The following SOX5 variants were observed in gnomAD, a reference collection of about 807,000 sequenced individuals.
The protein encoded by SOX5 is transcription factor SOX-5.
In SOX5, 9 loss-of-function variants were observed where a neutral mutation model predicts 92.0. The observed-to-expected ratio is 0.10, with a 90% CI of 0.06 to 0.17. The LOEUF is 0.17. SOX5 is among the 10% of genes least tolerant of loss of function. The pLI is 1.00. For missense variants in SOX5, 642 were observed against 944.5 expected (o/e 0.68, Z 4.20); for synonymous variants, 344 against 336.3 (o/e 1.02, Z -0.25).
chr12:24,144,548 C>G (rs1474921167), intron 4 of SOX5, among the ~76,000 whole-genome samples: 1 of 152,160 alleles, frequency 6.6e-6, no homozygotes, highest in Non-Finnish European at 1.5e-5. Flanking sequence ...GCTCACATCT[C>G]TAAACCCAGC....
At chr12:24,495,132 ATGTTTAC>A (rs1326408279) in intron 1 of SOX5, among the ~76,000 whole-genome samples, 15 of 152,198 alleles carry the variant, frequency 9.9e-5, no homozygotes, top group Non-Finnish European at 1.3e-4. Flanking sequence ...TTATACCCTG[ATGTTTAC>A]TCAAGAAACA....
chr12:24,322,549 C>T (rs573349865), intron 2 of SOX5, among the ~76,000 whole-genome samples: 33 of 152,252 alleles, frequency 2.2e-4, no homozygotes, highest in African/African-American at 7.5e-4. Context: ...CTCTTACAGG[C>T]TGACCTAAAT....
rs1268561845 is a variant in SOX5 at position 23,979,152 on chromosome 12, T to A, written c.-1-83128A>T. Among the ~76,000 whole-genome samples the A allele has an allele frequency of 5.3e-5, 8 of 152,298 alleles. 1 individual carries two copies. In the South Asian group the frequency reaches 1.7e-3, roughly 32 times the overall value. The stretch of plus-strand genomic sequence containing the variant: ...AATTATGAGGGTTATTTATATTGTT[T>A]GGTTGCTTTATTTAGGACAACTAAA... On this transcript the variant is annotated intron_variant, in intron 4 of 4. Transcript: ENST00000446891.
At chr12:23,959,533 A>G (rs189145924) in intron 4 of SOX5, among the ~76,000 whole-genome samples, 3 of 152,252 alleles carry the variant, frequency 2.0e-5, no homozygotes, top group Non-Finnish European at 4.4e-5. Flanking sequence ...AAAATCCACA[A>G]GCCATAAAAC....
chr12:24,525,391 G>C (rs529620191), intron 1 of SOX5, among the ~76,000 whole-genome samples: 1 of 152,282 alleles, frequency 6.6e-6, no homozygotes, highest in South Asian at 2.1e-4. Context: ...TGGGAAGTGG[G>C]AGTTGATAAT....
chr12:23,929,282 T>C (rs1189353644), intron 1 of SOX5, among the ~76,000 whole-genome samples: 1 of 151,972 alleles, frequency 6.6e-6, no homozygotes, highest in Non-Finnish European at 1.5e-5. Context: ...AAGTTATATA[T>C]TGAACGATGA....
chr12:24,059,293 T>C (rs2137246603), intron 4 of SOX5, among the ~76,000 whole-genome samples: 1 of 152,140 alleles, frequency 6.6e-6, no homozygotes, highest in South Asian at 2.1e-4. Context: ...ACCAAAATCT[T>C]TATCTGAAAA....
chr12:24,560,395 A>G (rs1325092138), intron 1 of SOX5, among the ~76,000 whole-genome samples: 1 of 152,214 alleles, frequency 6.6e-6, no homozygotes, highest in African/African-American at 2.4e-5. Context: ...TATGATTTTT[A>G]TCTTGTATAG....
chr12:23,573,547 T>C (rs74070887), intron 10 of SOX5, among the ~76,000 whole-genome samples: 6,182 of 152,258 alleles, frequency 0.041, 407 homozygotes, highest in African/African-American at 0.14. Flanking sequence ...TTCATTCTTA[T>C]TCTAAGACAC....
intron 1 of SOX5, among the ~76,000 whole-genome samples, chr12:24,434,868 A>G (rs1939099077): frequency 6.6e-6 from 1 of 152,208 alleles, no homozygotes; most frequent in Non-Finnish European, 1.5e-5. Flanking sequence ...TTCTTTATAA[A>G]TTACCCTGTC....
At chr12:24,360,234 T>C (rs1262190351) in intron 2 of SOX5, among the ~76,000 whole-genome samples, 1 of 152,188 alleles carries the variant, frequency 6.6e-6, no homozygotes, top group Non-Finnish European at 1.5e-5. Flanking sequence ...CACTATTCCC[T>C]TATATAAATA....
chr12:24,058,207 A>G (rs1178696825), intron 4 of SOX5, among the ~76,000 whole-genome samples: 1 of 152,228 alleles, frequency 6.6e-6, no homozygotes, highest in African/African-American at 2.4e-5. Context: ...GCTTATTTGC[A>G]TGGGCAAATG....
At position 24,352,805 on chromosome 12, in the gene SOX5, C is replaced by A. The variant is rs73289726; in HGVS notation, c.-174+15758G>T. 9.3e-3 allele frequency among the ~76,000 whole-genome samples: 1,410 copies of A among 152,278 alleles called. 20 individuals carry two copies. Among genetic ancestry groups the A allele is most frequent in the African/African-American group, 0.032 (1,331 of 41,538 alleles). On this transcript the variant is annotated intron_variant, in intron 2 of 4. Transcript: ENST00000446891. The stretch of plus-strand genomic sequence containing the variant: ...GTGGCCAGTCCTTCTCAAACAGCTG[C>A]CCCTTGGCCATGCTTCAGCCTAGAA...
At chr12:24,474,467 TGTGCAAAAA>T (rs1334051221) in intron 1 of SOX5, among the ~76,000 whole-genome samples, 1 of 152,212 alleles carries the variant, frequency 6.6e-6, no homozygotes, top group Non-Finnish European at 1.5e-5. Flanking sequence ...AATTTTGTTC[TGTGCAAAAA>T]ATGTAAAAGA....
At chr12:23,596,092 C>T (rs1458041982) in intron 9 of SOX5, among the ~76,000 whole-genome samples, 10 of 152,130 alleles carry the variant, frequency 6.6e-5, no homozygotes, top group Non-Finnish European at 2.9e-5. Context: ...TTACATACCT[C>T]TATAAATAAA....
intron 1 of SOX5, among the ~76,000 whole-genome samples, chr12:24,419,325 G>T (rs1463174206): frequency 6.6e-6 from 1 of 152,062 alleles, no homozygotes; most frequent in East Asian, 1.9e-4. Flanking sequence ...TTTTAGTAGA[G>T]ACAAGGCTTC....
At chr12:24,106,839 TAAA>T (rs926954391) in intron 4 of SOX5, among the ~76,000 whole-genome samples, 2 of 136,510 alleles carry the variant, frequency 1.5e-5, no homozygotes, top group African/African-American at 5.4e-5. Flanking sequence ...ATAATAATAA[TAAA>T]TAGAAGCATA....
intron 1 of SOX5, among the ~76,000 whole-genome samples, chr12:23,932,390 T>C (rs972051287): frequency 6.6e-6 from 1 of 151,608 alleles, no homozygotes; most frequent in Non-Finnish European, 1.5e-5. Context: ...TTTAACTTTT[T>C]GAAAAAGACA....
chr12:24,036,352 C>G (rs1956037107), intron 4 of SOX5, among the ~76,000 whole-genome samples: 1 of 152,098 alleles, frequency 6.6e-6, no homozygotes, highest in South Asian at 2.1e-4. Context: ...CATTCCAACA[C>G]TATACTTACT....
Sources: gnomAD v4.1 joint callset for allele counts (sites outside exome capture counted in the v4.1 genomes callset) on GRCh38, gnomAD v4.1.1 for gene constraint, MANE v1.5 for transcripts, NCBI Gene and HGNC (gene_info 2026-07-23, HGNC 2026-07-21) for gene names.